The following AEBP2 variants were observed in gnomAD, a reference collection of about 807,000 sequenced individuals.
AEBP2 encodes zinc finger protein AEBP2.
Under a neutral mutation model 50.8 loss-of-function variants are expected in AEBP2, and 10 were observed. That is an observed-to-expected ratio of 0.20 (90% CI 0.12 to 0.33). AEBP2 has a LOEUF of 0.33. Ranked by LOEUF, AEBP2 falls within the 10% of genes least tolerant of loss-of-function variation. The pLI, the probability that AEBP2 is intolerant of heterozygous loss-of-function variation, is 1.00. For missense variants in AEBP2, 570 were observed against 688.0 expected, an observed-to-expected ratio of 0.83 and a Z score of 1.92; for synonymous variants, 296 against 261.3, an observed-to-expected ratio of 1.13 and a Z score of -1.28.
chr12:19,469,910 ACTT>A lies in AEBP2; in HGVS notation c.880-3333_880-3331del, dbSNP rs145632550. Reference sequence around the variant, plus strand: ...CATGGCAAATTATATTCTTGAACATACTTCTTCCAAATTTGGATGTAATTGGAA... The same window carrying A: ...CATGGCAAATTATATTCTTGAACATACTTCCAAATTTGGATGTAATTGGAA... On this transcript the variant is annotated intron_variant, in intron 2 of 7. Coordinates refer to ENST00000266508, the MANE Select transcript of AEBP2 (RefSeq NM_153207.5). Among the ~76,000 whole-genome samples the A allele has an allele frequency of 2.6e-5, 4 of 152,298 alleles. No individual in the cohort carries two copies. In the East Asian group the frequency reaches 7.7e-4, roughly 29 times the overall value.
chr12:19,440,801 C>T, intron 1 of AEBP2: 2 of 1,520,758 alleles, frequency 1.3e-6, no homozygotes, highest in East Asian at 2.5e-5. Flanking sequence ...TATGGCTGGT[C>T]TCGCCTGGAT....
intron 1 of AEBP2, among the ~76,000 whole-genome samples, chr12:19,416,663 G>A (rs1028731601): frequency 6.8e-6 from 1 of 146,504 alleles, no homozygotes; most frequent in Non-Finnish European, 1.5e-5. Context: ...TCGTTCTGTC[G>A]CTTGGGCTGG....
intron 2 of AEBP2, among the ~76,000 whole-genome samples, chr12:19,465,635 G>T (rs910187326): frequency 6.6e-6 from 1 of 151,904 alleles, no homozygotes; most frequent in South Asian, 2.1e-4. Flanking sequence ...CAAGCGATCT[G>T]CCCGCCTTGG....
At chr12:19,440,762 T>G (rs1302061691) in intron 1 of AEBP2, 3 of 1,533,520 alleles carry the variant, frequency 2.0e-6, no homozygotes, top group Non-Finnish European at 2.6e-6. Flanking sequence ...GGAACACTTG[T>G]CAGAACTACA....
chr12:19,464,864 A>G (rs1303301752), intron 2 of AEBP2, among the ~76,000 whole-genome samples: 2 of 152,048 alleles, frequency 1.3e-5, no homozygotes, highest in South Asian at 2.1e-4. Flanking sequence ...TGCTAGGATT[A>G]CAAGTGTGAG....
intron 2 of AEBP2, among the ~76,000 whole-genome samples, chr12:19,472,064 G>C (rs953101180): frequency 1.3e-5 from 2 of 152,072 alleles, no homozygotes; most frequent in African/African-American, 4.8e-5. Context: ...AAATGGCAGT[G>C]GTGGTATTGC....
At chr12:19,427,013 C>T (rs1425558332) in intron 1 of AEBP2, among the ~76,000 whole-genome samples, 1 of 152,140 alleles carries the variant, frequency 6.6e-6, no homozygotes, top group East Asian at 1.9e-4. Flanking sequence ...TAAATGTGGG[C>T]AAGCATTATC....
chr12:19,416,777 C>T (rs1043623291), intron 1 of AEBP2, among the ~76,000 whole-genome samples: 1 of 151,916 alleles, frequency 6.6e-6, no homozygotes, highest in Non-Finnish European at 1.5e-5. Context: ...GTCTTGAACT[C>T]CTGACCTCAG....
chr12:19,441,479 A>C (rs1947959018), intron 1 of AEBP2, among the ~76,000 whole-genome samples: 2 of 152,206 alleles, frequency 1.3e-5, no homozygotes, highest in Admixed American at 1.3e-4. Context: ...CCAGAAAAGT[A>C]TAGCAATGGA....
chr12:19,456,241 A>G (rs1423594562), intron 1 of AEBP2: 3 of 1,515,736 alleles, frequency 2.0e-6, no homozygotes, highest in Non-Finnish European at 2.7e-6. Flanking sequence ...ATTAGGGATA[A>G]TATTCATTTA....
chr12:19,513,290 C>G (rs1465706146), intron 6 of AEBP2, among the ~76,000 whole-genome samples: 1 of 151,192 alleles, frequency 6.6e-6, no homozygotes, highest in Non-Finnish European at 1.5e-5. Context: ...AGTTTTAGTG[C>G]CCATTTAGAG....
rs558021601 is a variant in AEBP2, at chr12:19,439,894, G to GGGCGGCGGAGGC, written c.207_218dup (p.Gly70_Gly73dup). 3 of 1,489,798 alleles carry GGGCGGCGGAGGC rather than the reference G, an allele frequency of 2.0e-6. No homozygotes were observed. Among genetic ancestry groups the GGGCGGCGGAGGC allele is most frequent in the Admixed American group, 2.2e-5 (1 of 45,434 alleles). The allele number at this position is 1,489,798 out of a possible 1,614,324, so 92.3% of individuals were successfully genotyped here. On this transcript the variant is annotated inframe_insertion, in exon 1 of 8. Transcript: ENST00000266508. ...TGCTGCTGAACGGCGGCAGCGGTGGGGGCGGCGGAGGCGGCGGCGGAGGAG... is the reference window on the plus strand; with the variant it reads ...TGCTGCTGAACGGCGGCAGCGGTGGGGGCGGCGGAGGCGGCGGCGGAGGCGGCGGCGGAGGAG...
At position 19,439,784 on chromosome 12, in the gene AEBP2, G is replaced by A. The variant is rs2153365881; in HGVS notation, c.85G>A (p.Ala29Thr). ...GCCCCCCGGCAGCCCGGGTTCGGCG[G>A]CGCGGGGCCGGGCTGAGCCCCCCGA... ...PLPPGSPGSAARGRAEPPEEE... is the reference protein window; with the variant it reads ...PLPPGSPGSATRGRAEPPEEE... Residue 29 changes from alanine (A) to threonine (T), a missense_variant, in exon 1 of 8, where the codon GCG (alanine) becomes ACG (threonine). Ala to Thr is a moderately conservative substitution (Grantham distance 58). This residue lies in a region of AEBP2 where 386 missense variants were observed against 336.8 expected (regional missense o/e 1.15). Coordinates refer to ENST00000266508, the MANE Select transcript of AEBP2 (RefSeq NM_153207.5). 1 of 1,516,210 alleles carries A rather than the reference G, an allele frequency of 6.6e-7. No homozygotes were observed. Among genetic ancestry groups the A allele is most frequent in the East Asian group, 2.7e-5 (1 of 37,610 alleles). 93.9% of individuals were successfully genotyped at this position (1,516,210 alleles called of 1,614,324 possible).
intron 1 of AEBP2, among the ~76,000 whole-genome samples, chr12:19,406,124 C>T (rs1419394062): frequency 6.6e-6 from 1 of 152,034 alleles, no homozygotes; most frequent in Non-Finnish European, 1.5e-5. Flanking sequence ...TGCCACCACG[C>T]CTGGCTAATT....
chr12:19,430,210 C>G (rs2095750723), intron 1 of AEBP2, among the ~76,000 whole-genome samples: 1 of 152,110 alleles, frequency 6.6e-6, no homozygotes, highest in Admixed American at 6.6e-5. Context: ...GCCAGTTTTC[C>G]CAGCACCATT....
chr12:19,462,746 C>G, intron 2 of AEBP2, 29 bp downstream of exon 2: 1 of 1,552,732 alleles, frequency 6.4e-7, no homozygotes, highest in Non-Finnish European at 8.8e-7. Context: ...TTTTTTCGCT[C>G]CCTGTTTTCG....
In AEBP2 at chr12:19,473,286, C is replaced by T; in HGVS notation, c.918C>T (p.Asn306=). Residue 306 remains asparagine, a synonymous_variant, in exon 3 of 8, where the codon AAC becomes AAT. Transcript: ENST00000266508. ...TATGGAAAGGTTGTAAAGTATATAA[C>T]ACTCCATCTACCAGTCAAAGTTGGT... ...VCLWKGCKVY[N]TPSTSQSWLQ... The T allele has an allele frequency of 6.5e-7, 1 of 1,547,218 alleles. No individual in the cohort carries two copies.
At chr12:19,483,784 G>A (rs373986146) in intron 3 of AEBP2, among the ~76,000 whole-genome samples, 3 of 152,056 alleles carry the variant, frequency 2.0e-5, no homozygotes, top group East Asian at 3.9e-4. Flanking sequence ...TTGTCTTATT[G>A]TTACAAATAG....
intron 1 of AEBP2, among the ~76,000 whole-genome samples, chr12:19,417,217 C>G (rs1015090478): frequency 6.6e-6 from 1 of 151,964 alleles, no homozygotes; most frequent in Non-Finnish European, 1.5e-5. Context: ...CTTTTACTTA[C>G]CACACACTCC....
Sources: allele counts gnomAD v4.1 joint callset (sites outside exome capture counted in the v4.1 genomes callset), GRCh38; gene constraint gnomAD v4.1.1; regional missense constraint gnomAD v4.1.1; transcripts MANE v1.5; gene names NCBI Gene and HGNC (gene_info 2026-07-23, HGNC 2026-07-21).